The following FHIT variants were observed in gnomAD, a reference collection of about 807,000 sequenced individuals.
FHIT encodes the protein bis(5'-adenosyl)-triphosphatase.
FHIT carries 19 observed loss-of-function variants against 17.9 expected under a neutral mutation model. The ratio of observed to expected loss-of-function variants is 1.06; its 90% CI spans 0.74 to 1.56. The LOEUF is 1.56. Ranked by LOEUF, FHIT falls within the 40% of genes most tolerant of loss-of-function variation. The pLI is 0.00. For synonymous variants in FHIT, 81 were observed against 69.7 expected (o/e 1.16, Z -0.81); for missense variants, 248 against 189.2 (o/e 1.31, Z -1.82).
At chr3:59,863,992 A>G (rs1207015781) in intron 8 of FHIT, among the ~76,000 whole-genome samples, 1 of 152,198 alleles carries the variant, frequency 6.6e-6, no homozygotes, top group Non-Finnish European at 1.5e-5. Context: ...GAAAACAGAT[A>G]TGATCCCATT....
rs573256028 is a variant in FHIT at position 60,387,434 on chromosome 3, C to T, written c.103+149426G>A. Among the ~76,000 whole-genome samples, 319 of 152,310 alleles carry T rather than the reference C, an allele frequency of 2.1e-3. 1 individual carries two copies. The highest frequency in any genetic ancestry group is 7.1e-3 in the African/African-American group (295 of 41,580). ...ACTGATCAAAATAAATGTGAGAGGACAGTGCCTAGCATCTAACAGGCTCCT... is the reference window on the plus strand; with the variant it reads ...ACTGATCAAAATAAATGTGAGAGGATAGTGCCTAGCATCTAACAGGCTCCT... On this transcript the variant is annotated intron_variant, in intron 5 of 9. Transcript: ENST00000492590.
chr3:60,205,612 T>C (rs962567906), intron 5 of FHIT, among the ~76,000 whole-genome samples: 3 of 152,026 alleles, frequency 2.0e-5, no homozygotes, highest in Admixed American at 6.6e-5. Flanking sequence ...AGAGGGAGGA[T>C]AGAGCATGGT....
intron 5 of FHIT, among the ~76,000 whole-genome samples, chr3:60,411,420 C>CA (rs1702055828): frequency 6.6e-6 from 1 of 152,096 alleles, no homozygotes; most frequent in East Asian, 1.9e-4. Flanking sequence ...AGGGCAGTAA[C>CA]CCTACATTAG....
intron 8 of FHIT, among the ~76,000 whole-genome samples, chr3:59,895,582 C>T (rs1704034511): frequency 1.3e-5 from 2 of 152,158 alleles, no homozygotes; most frequent in Admixed American, 6.5e-5. Flanking sequence ...GTAACTGATG[C>T]CACATCCAGA....
At chr3:60,061,671 G>A (rs1702300020) in intron 5 of FHIT, among the ~76,000 whole-genome samples, 1 of 152,142 alleles carries the variant, frequency 6.6e-6, no homozygotes, top group African/African-American at 2.4e-5. Context: ...TTAAAATATT[G>A]CAAGTCAAGT....
chr3:61,128,208 C>T (rs570022149), intron 2 of FHIT, among the ~76,000 whole-genome samples: 1 of 152,060 alleles, frequency 6.6e-6, no homozygotes, highest in Non-Finnish European at 1.5e-5. Context: ...AACATAAAGA[C>T]CACATAGGAC....
chr3:59,756,924 T>A (rs1275848802), intron 8 of FHIT, among the ~76,000 whole-genome samples: 2 of 152,232 alleles, frequency 1.3e-5, no homozygotes, highest in African/African-American at 4.8e-5. Flanking sequence ...AAACATGTCC[T>A]ATAACCAAAA....
At chr3:59,806,608 CATAT>C (rs59917872) in intron 8 of FHIT, among the ~76,000 whole-genome samples, 36 of 149,052 alleles carry the variant, frequency 2.4e-4, no homozygotes, top group African/African-American at 8.4e-4. Flanking sequence ...TTGAGCAAAT[CATAT>C]ATATATATAT....
intron 5 of FHIT, among the ~76,000 whole-genome samples, chr3:60,480,175 C>T (rs1483503763): frequency 6.6e-6 from 1 of 152,098 alleles, no homozygotes; most frequent in Non-Finnish European, 1.5e-5. Context: ...AGAAAACCAG[C>T]AGGGGAGAGT....
chr3:60,575,675 A>G (rs567222971), intron 4 of FHIT, among the ~76,000 whole-genome samples: 6 of 152,218 alleles, frequency 3.9e-5, no homozygotes, highest in African/African-American at 1.4e-4. Context: ...ACTTACAAAC[A>G]TAAGTTCCAG....
At chr3:60,104,621 T>C (rs774681209) in intron 5 of FHIT, among the ~76,000 whole-genome samples, 3 of 152,012 alleles carry the variant, frequency 2.0e-5, no homozygotes, top group African/African-American at 4.8e-5. Context: ...AGATGAGAAC[T>C]TCAGATGAAA....
chr3:60,196,948 T>G (rs1293375530), intron 5 of FHIT, among the ~76,000 whole-genome samples: 1 of 152,162 alleles, frequency 6.6e-6, no homozygotes, highest in African/African-American at 2.4e-5. Context: ...CATACAGCCA[T>G]GCAGACACCC....
At chr3:60,065,224 A>T (rs1050482985) in intron 5 of FHIT, among the ~76,000 whole-genome samples, 1 of 152,242 alleles carries the variant, frequency 6.6e-6, no homozygotes, top group African/African-American at 2.4e-5. Context: ...AAGCATTAGA[A>T]TGTGGAGGAA....
At chr3:61,082,455 C>A (rs919438076) in intron 2 of FHIT, among the ~76,000 whole-genome samples, 1 of 151,938 alleles carries the variant, frequency 6.6e-6, no homozygotes. Context: ...GTGAATATAC[C>A]CTTTTACTTA....
rs538724277 is a variant in FHIT, at chr3:60,585,662, TA to T, written c.-17-48684del. On this transcript the variant is annotated intron_variant, in intron 4 of 9. Transcript: ENST00000492590. ...AACATAAAGTTAACATTTCACTATG[TA>T]AATTCTAACTCCAGTTTCTTTTTGA... is the stretch of plus-strand genomic sequence containing the variant. Among the ~76,000 whole-genome samples, 9 of 152,220 alleles carry T rather than the reference TA, an allele frequency of 5.9e-5. No individual in the cohort carries two copies. In the South Asian group the frequency reaches 8.3e-4, roughly 14 times the overall value.
chr3:59,779,331 AG>A (rs935925646), intron 8 of FHIT, among the ~76,000 whole-genome samples: 1 of 152,164 alleles, frequency 6.6e-6, no homozygotes, highest in African/African-American at 2.4e-5. Flanking sequence ...GGCAGGTTCC[AG>A]GAAGCTGAAG....
intron 4 of FHIT, among the ~76,000 whole-genome samples, chr3:60,788,322 C>T (rs904695349): frequency 2.6e-5 from 4 of 151,962 alleles, no homozygotes; most frequent in South Asian, 2.1e-4. Flanking sequence ...TAATCAGAGG[C>T]TCTCAGGAAC....
intron 5 of FHIT, among the ~76,000 whole-genome samples, chr3:60,508,626 T>G (rs1275543144): frequency 6.6e-6 from 1 of 152,138 alleles, no homozygotes; most frequent in Non-Finnish European, 1.5e-5. Context: ...AACAAAAAAA[T>G]AGATAATACA....
At chr3:60,147,898 C>T (rs985028699) in intron 5 of FHIT, among the ~76,000 whole-genome samples, 1 of 152,128 alleles carries the variant, frequency 6.6e-6, no homozygotes, top group Non-Finnish European at 1.5e-5. Context: ...AAGTGCTTCG[C>T]CAGGCCACTA....
Sources: gnomAD v4.1 joint callset for allele counts (sites outside exome capture counted in the v4.1 genomes callset) on GRCh38, gnomAD v4.1.1 for gene constraint, MANE v1.5 for transcripts, NCBI Gene and HGNC (gene_info 2026-07-23, HGNC 2026-07-21) for gene names.